Variants in MYO1B observed in about 807,000 individuals in gnomAD.
The protein encoded by MYO1B is myosin IB, also known as unconventional myosin-Ib.
A neutral mutation model predicts 159.7 loss-of-function variants in MYO1B; 72 were observed. The observed-to-expected ratio is 0.45, with a 90% CI of 0.37 to 0.55. MYO1B has a LOEUF of 0.55. MYO1B is among the 20% of genes least tolerant of loss of function. The probability of loss-of-function intolerance (pLI) is 0.00; values close to 1 mark genes in which losing one functional copy is unlikely to be tolerated. For missense variants in MYO1B, 1,062 were observed against 1,364.8 expected, an observed-to-expected ratio of 0.78 and a Z score of 3.50; for synonymous variants, 468 against 473.8, an observed-to-expected ratio of 0.99 and a Z score of 0.16.
chr2:191,350,289 A>G (rs535817316), intron 7 of MYO1B, 64 bp downstream of exon 7: 1 of 1,216,992 alleles, frequency 8.2e-7, no homozygotes, highest in Non-Finnish European at 1.2e-6. Context: ...TTTATAGTAG[A>G]ATAGTTTAGA....
intron 3 of MYO1B, among the ~76,000 whole-genome samples, chr2:191,328,928 TTG>T (rs1416419055): frequency 6.6e-6 from 1 of 152,216 alleles, no homozygotes. Context: ...ACCTTTATCA[TTG>T]GGCTTAATGT....
intron 30 of MYO1B, 112 bp downstream of exon 30, chr2:191,416,354 C>A: frequency 7.8e-7 from 1 of 1,284,862 alleles, no homozygotes; most frequent in Non-Finnish European, 1.1e-6. Context: ...AGGTATGTGT[C>A]TAGTAGTTGT....
chr2:191,385,716 G>A (rs898483528), intron 15 of MYO1B, among the ~76,000 whole-genome samples, 168 bp from the exon 16 acceptor site: 1 of 152,176 alleles, frequency 6.6e-6, no homozygotes, highest in African/African-American at 2.4e-5. Flanking sequence ...CTTCAGGAAA[G>A]AGCTGATTCC....
chr2:191,311,306 G>T (rs1221402470), intron 3 of MYO1B, among the ~76,000 whole-genome samples: 3 of 152,184 alleles, frequency 2.0e-5, no homozygotes, highest in East Asian at 3.8e-4. Context: ...AGGGAGAGAT[G>T]ATTTGGATGG....
At chr2:191,356,166 G>A (rs1693265085) in intron 7 of MYO1B, among the ~76,000 whole-genome samples, 1 of 152,000 alleles carries the variant, frequency 6.6e-6, no homozygotes. Flanking sequence ...CAGTTTTCTG[G>A]GAATATATGT....
At chr2:191,334,562 A>T (rs987445404) in intron 4 of MYO1B, among the ~76,000 whole-genome samples, 3 of 152,168 alleles carry the variant, frequency 2.0e-5, no homozygotes, top group Non-Finnish European at 4.4e-5. Context: ...TCAGTGCCCA[A>T]ATCACCACTT....
In MYO1B at chr2:191,369,588, T is replaced by C; in HGVS notation, c.1079T>C (p.Leu360Ser). Residue 360 changes from leucine to serine, a missense_variant, in exon 12 of 31, where the codon TTG becomes TCG. By Grantham distance (145) the Leu-to-Ser change is moderately radical (BLOSUM62 -2). Transcript: ENST00000392318. ...DALAKNLYSR[L>S]FSWLVNRINE... Reference sequence around the variant, plus strand: ...CTGGCTAAAAACCTCTACAGCAGGTTGTTTTCATGGTTGGTAAATCGAATC... The same window carrying C: ...CTGGCTAAAAACCTCTACAGCAGGTCGTTTTCATGGTTGGTAAATCGAATC... 3.7e-6 allele frequency: 6 copies of C among 1,613,646 alleles called. No homozygotes were observed. Among genetic ancestry groups the C allele is most frequent in the Non-Finnish European group, 5.1e-6 (6 of 1,179,668 alleles).
chr2:191,278,495 G>A (rs975755807), intron 2 of MYO1B, among the ~76,000 whole-genome samples: 5 of 152,226 alleles, frequency 3.3e-5, no homozygotes, highest in African/African-American at 1.2e-4. Context: ...TCATCCTCTA[G>A]GAATTGACCT....
intron 1 of MYO1B, among the ~76,000 whole-genome samples, chr2:191,253,306 C>T (rs1686240056): frequency 6.6e-6 from 1 of 152,180 alleles, no homozygotes; most frequent in Admixed American, 6.5e-5. Flanking sequence ...GATAACACTG[C>T]TATAGTCACT....
chr2:191,315,015 G>T (rs1329028145), intron 3 of MYO1B, among the ~76,000 whole-genome samples: 1 of 152,102 alleles, frequency 6.6e-6, no homozygotes, highest in Non-Finnish European at 1.5e-5. Flanking sequence ...TCTAGATTTG[G>T]TAAGAGTTGC....
chr2:191,290,260 A>G (rs769126699), intron 2 of MYO1B, among the ~76,000 whole-genome samples: 2 of 151,602 alleles, frequency 1.3e-5, no homozygotes, highest in African/African-American at 4.8e-5. Context: ...TTCCTTTTCT[A>G]TTAGTGGCCA....
At chr2:191,246,795 A>C (rs1685819152) in intron 1 of MYO1B, among the ~76,000 whole-genome samples, 2 of 152,204 alleles carry the variant, frequency 1.3e-5, no homozygotes, top group Admixed American at 1.3e-4. Context: ...TAAATAAATG[A>C]ATCAGACTAT....
chr2:191,279,113 A>G (rs1687908716), intron 2 of MYO1B, among the ~76,000 whole-genome samples: 3 of 152,242 alleles, frequency 2.0e-5, no homozygotes, highest in African/African-American at 7.2e-5. Context: ...TTTATTTTCT[A>G]AACGTCCTTT....
chr2:191,287,380 A>G (rs1015917913), intron 2 of MYO1B, among the ~76,000 whole-genome samples: 9 of 152,254 alleles, frequency 5.9e-5, no homozygotes, highest in African/African-American at 9.6e-5. Flanking sequence ...ATACAAAAAA[A>G]TTAGCTTGGC....
At chr2:191,358,298 G>A (rs1026344069) in intron 7 of MYO1B, among the ~76,000 whole-genome samples, 11 of 152,154 alleles carry the variant, frequency 7.2e-5, no homozygotes, top group Non-Finnish European at 1.5e-5. Flanking sequence ...AGCACTGAAC[G>A]CATAGCAAAA....
intron 5 of MYO1B, among the ~76,000 whole-genome samples, chr2:191,342,479 TACA>T (rs1399411169): frequency 6.6e-6 from 1 of 152,208 alleles, no homozygotes; most frequent in Non-Finnish European, 1.5e-5. Context: ...GAGAATGGCA[TACA>T]ACATCAGTAT....
chr2:191,416,410 C>T, intron 30 of MYO1B, 168 bp downstream of exon 30: 2 of 691,066 alleles, frequency 2.9e-6, no homozygotes, highest in Non-Finnish European at 4.9e-6. Flanking sequence ...AAGTCTCCAA[C>T]CTCATGTACC....
At chr2:191,254,633 G>A (rs1468764010) in intron 1 of MYO1B, among the ~76,000 whole-genome samples, 2 of 151,990 alleles carry the variant, frequency 1.3e-5, no homozygotes, top group East Asian at 1.9e-4. Context: ...AGCTTCCCAA[G>A]TAACTAGGAC....
intron 26 of MYO1B, among the ~76,000 whole-genome samples, chr2:191,409,957 T>C (rs1471581587): frequency 6.6e-6 from 1 of 152,208 alleles, no homozygotes; most frequent in African/African-American, 2.4e-5. Context: ...CAGGAAACTT[T>C]CCTGCCCAGC....
Sources: gnomAD v4.1 joint callset for allele counts (sites outside exome capture counted in the v4.1 genomes callset) on GRCh38, gnomAD v4.1.1 for gene constraint, MANE v1.5 for transcripts, NCBI Gene and HGNC (gene_info 2026-07-23, HGNC 2026-07-21) for gene names.